The following LRRTM4 variants were observed in gnomAD, a reference collection of about 807,000 sequenced individuals.
The protein encoded by LRRTM4 is leucine rich repeat transmembrane neuronal 4.
In LRRTM4, 25 loss-of-function variants were observed where a neutral mutation model predicts 47.6. That is an observed-to-expected ratio of 0.53 (90% CI 0.38 to 0.73). The LOEUF (loss-of-function observed/expected upper bound fraction) is 0.73, where lower values mean the gene tolerates loss of function less well. Ranked by LOEUF, LRRTM4 falls within the 30% of genes least tolerant of loss-of-function variation. The pLI, the probability that LRRTM4 is intolerant of heterozygous loss-of-function variation, is 0.00. For synonymous variants in LRRTM4, 311 were observed against 269.5 expected (o/e 1.15, Z -1.51); for missense variants, 638 against 713.4 (o/e 0.89, Z 1.20).
intron 3 of LRRTM4, among the ~76,000 whole-genome samples, chr2:76,906,543 C>T (rs984674931): frequency 6.6e-6 from 1 of 152,100 alleles, no homozygotes; most frequent in Non-Finnish European, 1.5e-5. Flanking sequence ...TCAAAAGACA[C>T]AGACTGGCAA....
At chr2:77,509,971 T>G (rs931592625) in intron 3 of LRRTM4, among the ~76,000 whole-genome samples, 3 of 152,166 alleles carry the variant, frequency 2.0e-5, no homozygotes, top group Non-Finnish European at 2.9e-5. Flanking sequence ...ACCTCTCTGC[T>G]ATTACTTTTA....
At chr2:77,441,947 G>GA (rs1200207845) in intron 3 of LRRTM4, among the ~76,000 whole-genome samples, 14 of 152,128 alleles carry the variant, frequency 9.2e-5, no homozygotes, top group African/African-American at 3.1e-4. Flanking sequence ...ACATTTGCAA[G>GA]AAAACTTGCA....
At chr2:77,037,117 G>A (rs1004334363) in intron 3 of LRRTM4, among the ~76,000 whole-genome samples, 16 of 151,492 alleles carry the variant, frequency 1.1e-4, no homozygotes, top group African/African-American at 3.6e-4. Flanking sequence ...AACTGGACGG[G>A]GTTCCACTGC....
rs183730907 is a variant in LRRTM4, at chr2:77,348,857, C to A, written c.1551+169461G>T. 6.9e-3 allele frequency among the ~76,000 whole-genome samples: 1,049 copies of A among 151,250 alleles called. 41 individuals are homozygous for A. The highest frequency in any genetic ancestry group is 0.06 in the Admixed American group (910 of 15,208). On this transcript the variant is annotated intron_variant, in intron 3 of 3. Transcript: ENST00000409884. ...CAAAAGTGGTTAGATATAAAAAAAA[C>A]TATCAACATAATCTTACATCAACAA...
At chr2:76,880,036 A>G (rs1672884681) in intron 3 of LRRTM4, among the ~76,000 whole-genome samples, 1 of 152,266 alleles carries the variant, frequency 6.6e-6, no homozygotes, top group South Asian at 2.1e-4. Flanking sequence ...CTAAGAAAGT[A>G]GAATCTTGAG....
rs577064758 is a variant in LRRTM4 at position 77,263,090 on chromosome 2, G to A, written c.1551+255228C>T. Among the ~76,000 whole-genome samples, 4 of 152,120 alleles carry A rather than the reference G, an allele frequency of 2.6e-5. No individual in the cohort carries two copies. The South Asian group carries it at 8.3e-4, about 32-fold the overall frequency. On this transcript the variant is annotated intron_variant, in intron 3 of 3. Coordinates refer to ENST00000409884, the MANE Select transcript of LRRTM4 (RefSeq NM_001134745.3). ...CTGAAGGTTGAGTTAATCACTTAAG[G>A]CCAATGATTTAATCAATCATACCTA...
intron 3 of LRRTM4, among the ~76,000 whole-genome samples, chr2:77,191,550 C>G (rs1049259569): frequency 5.3e-5 from 8 of 150,890 alleles, no homozygotes; most frequent in African/African-American, 1.9e-4. Flanking sequence ...TCACTAATAC[C>G]AATTAAAATT....
At chr2:76,807,469 T>TACACAC (rs1553412701) in intron 3 of LRRTM4, among the ~76,000 whole-genome samples, 9 of 69,894 alleles carry the variant, frequency 1.3e-4, no homozygotes, top group South Asian at 9.5e-4. Flanking sequence ...CATATATATA[T>TACACAC]ACATATATAT....
At chr2:77,389,533 G>T (rs1673418802) in intron 3 of LRRTM4, among the ~76,000 whole-genome samples, 1 of 152,100 alleles carries the variant, frequency 6.6e-6, no homozygotes, top group South Asian at 2.1e-4. Flanking sequence ...AAAACAAAAA[G>T]ACTATAAAGT....
chr2:77,046,010 C>A (rs967926113), intron 3 of LRRTM4, among the ~76,000 whole-genome samples: 59 of 151,888 alleles, frequency 3.9e-4, no homozygotes, highest in African/African-American at 1.3e-3. Context: ...ATTATATTAA[C>A]TTGCTAGAGA....
chr2:77,453,253 T>C (rs1490925886), intron 3 of LRRTM4, among the ~76,000 whole-genome samples: 2 of 149,884 alleles, frequency 1.3e-5, no homozygotes, highest in African/African-American at 4.9e-5. Context: ...GCGATCTCTG[T>C]TCACTGCAAG....
chr2:76,953,686 C>A (rs1233185012), intron 3 of LRRTM4, among the ~76,000 whole-genome samples: 1 of 151,784 alleles, frequency 6.6e-6, no homozygotes, highest in African/African-American at 2.4e-5. Context: ...ACACAGAAAC[C>A]AGCACAATTC....
chr2:77,031,779 C>A (rs58101707), intron 3 of LRRTM4, among the ~76,000 whole-genome samples: 33,911 of 151,916 alleles, frequency 0.22, 4,285 homozygotes, highest in East Asian at 0.41. Context: ...ACAATATGTG[C>A]ATGTAAATGT....
intron 3 of LRRTM4, among the ~76,000 whole-genome samples, chr2:77,010,676 T>C (rs1329594202): frequency 6.6e-6 from 1 of 152,158 alleles, no homozygotes; most frequent in Non-Finnish European, 1.5e-5. Context: ...AACAGAACTC[T>C]TTTGTATCAT....
Position 76,748,723 on chromosome 2 carries a change from G to A in LRRTM4, c.1745C>T (p.Ala582Val). 1.2e-6 allele frequency: 2 copies of A among 1,613,734 alleles called. No homozygotes were observed. Among genetic ancestry groups the A allele is most frequent in the Non-Finnish European group, 1.7e-6 (2 of 1,179,888 alleles). ...IATIARSAAPAIYLERIAN is the reference protein window; with the variant it reads ...IATIARSAAPVIYLERIAN ...GTTTGCAATTCTCTCTAGGTAGATGGCCGGTGCTGCCGACCTGGCGATGGT... is the reference window on the plus strand; with the variant it reads ...GTTTGCAATTCTCTCTAGGTAGATGACCGGTGCTGCCGACCTGGCGATGGT... The change falls in exon 4 of 4, where the codon GCC becomes GTC. Residue 582 changes from alanine (A) to valine (V), a missense_variant. Transcript: ENST00000409884.
chr2:77,204,044 G>A (rs1288169908), intron 3 of LRRTM4, among the ~76,000 whole-genome samples: 1 of 152,126 alleles, frequency 6.6e-6, no homozygotes, highest in Non-Finnish European at 1.5e-5. Context: ...TCAGTGTCAG[G>A]CCAGGAGACC....
At chr2:77,467,527 G>A (rs913150902) in intron 3 of LRRTM4, among the ~76,000 whole-genome samples, 1 of 152,152 alleles carries the variant, frequency 6.6e-6, no homozygotes, top group Non-Finnish European at 1.5e-5. Flanking sequence ...ATTTATGAGT[G>A]CACATGTGTA....
intron 3 of LRRTM4, among the ~76,000 whole-genome samples, chr2:77,308,683 C>T (rs141963277): frequency 7.4e-4 from 113 of 152,318 alleles, no homozygotes; most frequent in African/African-American, 2.6e-3. Context: ...TGACATCTAT[C>T]ACCACAGCAA....
rs544094394 is a variant in LRRTM4, at chr2:77,222,498, G to C, written c.1551+295820C>G. Among the ~76,000 whole-genome samples the C allele has an allele frequency of 6.6e-5, 10 of 152,268 alleles. No homozygotes were observed. The South Asian group carries it at 1.9e-3, about 28-fold the overall frequency. Reference sequence around the variant, plus strand: ...GAAGAAAAGAGAGAAGAATCAATTAGATGCAATAAAATATGACAAAGAGGA... The same window carrying C: ...GAAGAAAAGAGAGAAGAATCAATTACATGCAATAAAATATGACAAAGAGGA... On this transcript the variant is annotated intron_variant, in intron 3 of 3. Coordinates refer to ENST00000409884, the MANE Select transcript of LRRTM4 (RefSeq NM_001134745.3).
Sources: gnomAD v4.1 joint callset for allele counts (sites outside exome capture counted in the v4.1 genomes callset) on GRCh38, gnomAD v4.1.1 for gene constraint, MANE v1.5 for transcripts, NCBI Gene and HGNC (gene_info 2026-07-23, HGNC 2026-07-21) for gene names.